The following ARMC3 variants were observed in gnomAD, a reference collection of about 807,000 sequenced individuals.
ARMC3 encodes armadillo repeat-containing protein 3.
A neutral mutation model predicts 90.3 loss-of-function variants in ARMC3; 74 were observed. The observed-to-expected ratio is 0.82, with a 90% CI of 0.68 to 0.99. The LOEUF is 0.99. Ranked by LOEUF, ARMC3 falls within the 50% of genes least tolerant of loss-of-function variation. The probability of loss-of-function intolerance (pLI) is 0.00; values close to 1 mark genes in which losing one functional copy is unlikely to be tolerated. For synonymous variants in ARMC3, 334 were observed against 361.8 expected, an observed-to-expected ratio of 0.92 and a Z score of 0.87; for missense variants, 958 against 1,042.8, an observed-to-expected ratio of 0.92 and a Z score of 1.12.
At chr10:22,998,599 ATTCTGT>A (rs778847089) in intron 11 of ARMC3, among the ~76,000 whole-genome samples, 6 of 152,208 alleles carry the variant, frequency 3.9e-5, no homozygotes, top group Non-Finnish European at 7.3e-5. Context: ...AAACCCAGCA[ATTCTGT>A]TTCTAAGTAT....
At chr10:22,997,640 A>G (rs1443981033) in intron 10 of ARMC3, among the ~76,000 whole-genome samples, 1 of 152,222 alleles carries the variant, frequency 6.6e-6, no homozygotes, top group African/African-American at 2.4e-5. Context: ...AGACAGGCTA[A>G]TGAATTTTAA....
rs767697374 is a variant in ARMC3 at position 22,998,365 on chromosome 10, GC to G, written c.1394del (p.Ala465GlufsTer12). The G allele has an allele frequency of 6.2e-7, 1 of 1,614,064 alleles. No individual in the cohort carries two copies. Among genetic ancestry groups the G allele is most frequent in the East Asian group, 2.2e-5 (1 of 44,876 alleles). On this transcript the variant is annotated frameshift_variant, in exon 11 of 19. Coordinates refer to ENST00000298032, the MANE Select transcript of ARMC3 (RefSeq NM_173081.5). LOFTEE classifies it high-confidence loss of function. Reference protein sequence around the residue: ...VQSKAALAVTATACDVEARTE... With the variant: ...VQSKAALAVTXTACDVEARTE... ...GAGCAAAGCTGCTCTCGCTGTCACCGCAACTGCGTGTGACGTTGAAGCCCGG... is the reference window on the plus strand; with the variant it reads ...GAGCAAAGCTGCTCTCGCTGTCACCGAACTGCGTGTGACGTTGAAGCCCGG...
At chr10:23,031,472 G>A (rs919511228) in intron 17 of ARMC3, among the ~76,000 whole-genome samples, 2 of 152,218 alleles carry the variant, frequency 1.3e-5, no homozygotes, top group Non-Finnish European at 2.9e-5. Context: ...AACAGCTGCA[G>A]CCTCCATGGG....
chr10:22,990,157 G>T (rs1836637657), intron 10 of ARMC3, among the ~76,000 whole-genome samples: 1 of 101,286 alleles, frequency 9.9e-6, no homozygotes, highest in Non-Finnish European at 2.3e-5. Flanking sequence ...TCTTTATATT[G>T]TGTGATTTCC....
intron 17 of ARMC3, among the ~76,000 whole-genome samples, chr10:23,031,403 A>T (rs1838920044): frequency 6.6e-6 from 1 of 152,218 alleles, no homozygotes; most frequent in African/African-American, 2.4e-5. Context: ...AGGAATCACC[A>T]GAAGTGAGGA....
intron 11 of ARMC3, 118 bp from the exon 12 acceptor site, chr10:23,001,801 T>C: frequency 1.6e-6 from 2 of 1,218,912 alleles, no homozygotes; most frequent in Non-Finnish European, 2.2e-6. Context: ...ATAGACACAT[T>C]CTGAAGCATT....
chr10:23,028,793 A>G (rs141078896), intron 16 of ARMC3, among the ~76,000 whole-genome samples: 18 of 152,312 alleles, frequency 1.2e-4, no homozygotes, highest in Middle Eastern at 3.4e-3. Context: ...AAGTCTATGT[A>G]TGTGCTGTTG....
intron 13 of ARMC3, among the ~76,000 whole-genome samples, chr10:23,003,853 G>T (rs1412432456): frequency 1.3e-5 from 2 of 151,832 alleles, no homozygotes; most frequent in Non-Finnish European, 2.9e-5. Context: ...AAAAAAAAAA[G>T]GTATAAAAGA....
intron 12 of ARMC3, 124 bp downstream of exon 12, chr10:23,002,179 C>CA: frequency 5.1e-6 from 7 of 1,382,838 alleles, no homozygotes; most frequent in Non-Finnish European, 6.7e-6. Flanking sequence ...TGAAGCGCTG[C>CA]ATGTCCCCAG....
Position 22,954,387 on chromosome 10 carries a change from A to G in ARMC3, c.167-1420A>G, listed in dbSNP as rs377521288. On this transcript the variant is annotated intron_variant, in intron 3 of 18. Coordinates refer to ENST00000298032, the MANE Select transcript of ARMC3 (RefSeq NM_173081.5). ...TTTATAGAAAAATGAGGCCAGGCAC[A>G]GTGTCTTGTGGAGCCTGTAATTCCA... is the stretch of plus-strand genomic sequence containing the variant. Among the ~76,000 whole-genome samples the G allele has an allele frequency of 1.1e-4, 16 of 152,122 alleles. No individual in the cohort carries two copies. In the East Asian group the frequency reaches 1.7e-3, roughly 17 times the overall value.
chr10:22,973,293 TTAA>T (rs148238155), intron 8 of ARMC3, among the ~76,000 whole-genome samples: 12,696 of 140,798 alleles, frequency 0.09, 931 homozygotes, highest in African/African-American at 0.21. Context: ...AGCAAGACCC[TTAA>T]TAATAATAAT....
rs376019541 is a variant in ARMC3, at chr10:23,010,684, TTCCTTCCTTTCCCTTCCCCC to T, written c.2045+1768_2045+1787del. Reference sequence around the variant, plus strand: ...CTCCTCTCCTTCCTTTCCCTCCCCCTTCCTTCCTTTCCCTTCCCCCTCCTTCCTTTCCCTCCCCTTTCCTT... The same window carrying T: ...CTCCTCTCCTTCCTTTCCCTCCCCCTTCCTTCCTTTCCCTCCCCTTTCCTT... On this transcript the variant is annotated intron_variant, in intron 16 of 18. Coordinates refer to ENST00000298032, the MANE Select transcript of ARMC3 (RefSeq NM_173081.5). Among the ~76,000 whole-genome samples, 250 of 66,360 alleles carry T rather than the reference TTCCTTCCTTTCCCTTCCCCC, an allele frequency of 3.8e-3. 6 individuals carry two copies. Among genetic ancestry groups the T allele is most frequent in the African/African-American group, 0.014 (226 of 15,660 alleles). 43.5% of individuals were successfully genotyped at this position (66,360 alleles called of 152,430 possible). A position where few individuals can be genotyped will look rare whatever the true frequency, so the allele number is the denominator to read the frequency against.
chr10:23,033,135 A>C, intron 18 of ARMC3, 112 bp downstream of exon 18: 1 of 1,011,286 alleles, frequency 9.9e-7, no homozygotes, highest in Non-Finnish European at 1.5e-6. Context: ...TCTACCATTT[A>C]GATTTATTTA....
intron 16 of ARMC3, among the ~76,000 whole-genome samples, chr10:23,027,017 G>A (rs1838739782): frequency 6.6e-6 from 1 of 152,114 alleles, no homozygotes; most frequent in Non-Finnish European, 1.5e-5. Context: ...CAGAATTACT[G>A]TAGCTATATA....
chr10:22,936,198 T>C (rs1834105365), intron 2 of ARMC3, among the ~76,000 whole-genome samples: 1 of 152,214 alleles, frequency 6.6e-6, no homozygotes, highest in African/African-American at 2.4e-5. Context: ...GGGTCACATC[T>C]GTAATCCCAG....
chr10:22,989,405 T>C (rs1836608441), intron 10 of ARMC3, among the ~76,000 whole-genome samples: 1 of 152,206 alleles, frequency 6.6e-6, no homozygotes, highest in African/African-American at 2.4e-5. Context: ...GTAATACTCT[T>C]GAACAACATA....
chr10:23,014,305 C>T (rs1403686947), intron 16 of ARMC3: 2 of 1,426,004 alleles, frequency 1.4e-6, no homozygotes, highest in African/African-American at 1.4e-5. Context: ...ACCTAGCACA[C>T]TTAGGGGCTC....
chr10:23,021,619 C>T (rs896465149), intron 16 of ARMC3, among the ~76,000 whole-genome samples: 6 of 152,216 alleles, frequency 3.9e-5, no homozygotes, highest in South Asian at 2.1e-4. Flanking sequence ...TGTATGTCTT[C>T]TTTTAAGAAG....
At chr10:22,938,396 G>A (rs975404131) in intron 2 of ARMC3, among the ~76,000 whole-genome samples, 1 of 152,138 alleles carries the variant, frequency 6.6e-6, no homozygotes, top group Non-Finnish European at 1.5e-5. Flanking sequence ...AGGAGAATTC[G>A]TTGGAAGGTG....
Sources: gnomAD v4.1 joint callset for allele counts (sites outside exome capture counted in the v4.1 genomes callset) on GRCh38, gnomAD v4.1.1 for gene constraint, MANE v1.5 for transcripts, NCBI Gene and HGNC (gene_info 2026-07-23, HGNC 2026-07-21) for gene names.